Variants in AASDH observed in about 807,000 individuals in gnomAD.
AASDH encodes the protein aminoadipate-semialdehyde dehydrogenase.
Under a neutral mutation model 102.3 loss-of-function variants are expected in AASDH, and 81 were observed. The observed-to-expected ratio is 0.79, with a 90% CI of 0.66 to 0.95. The LOEUF is 0.95. AASDH is among the 40% of genes least tolerant of loss of function. AASDH has a pLI of 0.00. For missense variants in AASDH, 1,203 were observed against 1,266.2 expected (o/e 0.95, Z 0.76); for synonymous variants, 398 against 454.0 (o/e 0.88, Z 1.57).
intron 12 of AASDH, among the ~76,000 whole-genome samples, chr4:56,343,966 C>A (rs1748027879): frequency 6.6e-6 from 1 of 152,110 alleles, no homozygotes; most frequent in Non-Finnish European, 1.5e-5. Flanking sequence ...CACACACGAT[C>A]TAATATAGCT....
intron 5 of AASDH, among the ~76,000 whole-genome samples, chr4:56,357,961 A>G (rs921261022): frequency 1.3e-5 from 2 of 152,078 alleles, no homozygotes; most frequent in African/African-American, 4.8e-5. Flanking sequence ...CAACAATATT[A>G]AAACTTCTAA....
intron 4 of AASDH, among the ~76,000 whole-genome samples, chr4:56,374,367 CAGAAAAAAAAAAAAA>C (rs66473177): frequency 0.24 from 26,031 of 110,366 alleles, 2,854 homozygotes; most frequent in Admixed American, 0.4. Context: ...GACTCTGTCT[CAGAAAAAAAAAAAAA>C]AAAAAAAAGG....
In AASDH at chr4:56,371,640, T is replaced by C. The variant is rs150292078; in HGVS notation, c.672A>G (p.Val224=). 71 of 1,603,418 alleles carry C rather than the reference T, an allele frequency of 4.4e-5. No individual in the cohort carries two copies. Among genetic ancestry groups the C allele is most frequent in the Non-Finnish European group, 5.9e-5 (70 of 1,177,744 alleles). Residue 224 remains valine (V), a synonymous_variant, in exon 5 of 15, where the codon GTA becomes GTG. Coordinates refer to ENST00000205214, the MANE Select transcript of AASDH (RefSeq NM_181806.4). ...CATCTTCTTGTGTGATGTCAAAAAG[T>C]ACCCTAAGGCAAAACAGAATGCAGT... ...CIVPNIQHFR[V]LFDITQEDVL...
chr4:56,364,920 T>G (rs960820060), intron 5 of AASDH, among the ~76,000 whole-genome samples: 95 of 152,220 alleles, frequency 6.2e-4, no homozygotes, highest in African/African-American at 2.3e-3. Context: ...AGACACAGAC[T>G]GGCAAATTGG....
chr4:56,375,572 CT>C (rs1752241909), intron 4 of AASDH, among the ~76,000 whole-genome samples: 2 of 152,046 alleles, frequency 1.3e-5, no homozygotes, highest in Non-Finnish European at 1.5e-5. Context: ...TAAATCAACC[CT>C]TCACCCCTCA....
At chr4:56,352,880 T>C (rs1327303605) in intron 9 of AASDH, among the ~76,000 whole-genome samples, 1 of 152,210 alleles carries the variant, frequency 6.6e-6, no homozygotes, top group Admixed American at 6.6e-5. Context: ...CTTCCATAAT[T>C]GCATGGGCAA....
At chr4:56,356,164 G>C (rs946220906) in intron 5 of AASDH, 8 of 692,902 alleles carry the variant, frequency 1.2e-5, no homozygotes, top group Non-Finnish European at 1.6e-5. Context: ...AGGGAAAGAA[G>C]GTGGCTCTGG....
intron 4 of AASDH, among the ~76,000 whole-genome samples, chr4:56,376,672 T>C (rs1752370474): frequency 6.6e-6 from 1 of 152,360 alleles, no homozygotes; most frequent in African/African-American, 2.4e-5. Context: ...ATTTTGAAGA[T>C]GATTAGCATA....
At chr4:56,343,529 T>TA in intron 13 of AASDH, 33 bp downstream of exon 13, 1 of 1,516,584 alleles carries the variant, frequency 6.6e-7, no homozygotes, top group Non-Finnish European at 8.8e-7. Flanking sequence ...TAAAGAAAAG[T>TA]AATAAAATCA....
At chr4:56,354,535 A>G (rs574388837) in intron 7 of AASDH, among the ~76,000 whole-genome samples, 170 bp downstream of exon 7, 1 of 152,200 alleles carries the variant, frequency 6.6e-6, no homozygotes, top group Non-Finnish European at 1.5e-5. Flanking sequence ...AGACATTATT[A>G]TCTGAAATAA....
intron 14 of AASDH, among the ~76,000 whole-genome samples, chr4:56,339,588 T>G (rs946365610): frequency 2.0e-5 from 3 of 150,274 alleles, no homozygotes; most frequent in African/African-American, 7.3e-5. Flanking sequence ...CCATCTCTAT[T>G]AAAAATACAA....
intron 5 of AASDH, among the ~76,000 whole-genome samples, chr4:56,362,328 A>C (rs991803633): frequency 6.6e-6 from 1 of 152,038 alleles, no homozygotes; most frequent in Admixed American, 6.5e-5. Flanking sequence ...ACAGTGGTGT[A>C]ATCTTGGCTC....
At position 56,345,210 on chromosome 4, in the gene AASDH, T is replaced by C; in HGVS notation, c.2569A>G (p.Lys857Glu). 6.2e-7 allele frequency: 1 copy of C among 1,614,200 alleles called. No homozygotes were observed. The highest frequency in any genetic ancestry group is 8.5e-7 in the Non-Finnish European group (1 of 1,180,002). The change falls in exon 12 of 15, where the codon AAA becomes GAA. Residue 857 changes from lysine (K) to glutamate (E), a missense_variant. Coordinates refer to ENST00000205214, the MANE Select transcript of AASDH (RefSeq NM_181806.4). ...GTTGGATCCATGGTTGCCGAGCTTT[T>C]GACAGCATCTTCAGTAGTAAACATC... ...YWMFTTEDAV[K>E]SSATMDPTTG... is the part of the protein sequence containing the mutation.
intron 12 of AASDH, among the ~76,000 whole-genome samples, chr4:56,344,694 A>G (rs983494930): frequency 1.1e-4 from 16 of 152,196 alleles, no homozygotes; most frequent in African/African-American, 3.9e-4. Context: ...ATAATCCTAA[A>G]TTCTTTAATT....
intron 4 of AASDH, among the ~76,000 whole-genome samples, chr4:56,377,862 T>C (rs1578065429): frequency 6.6e-6 from 1 of 152,202 alleles, no homozygotes; most frequent in Non-Finnish European, 1.5e-5. Flanking sequence ...TGGAGTGCAG[T>C]GGCATAGTCT....
chr4:56,376,806 G>T (rs1162535529), intron 4 of AASDH, among the ~76,000 whole-genome samples: 2 of 152,066 alleles, frequency 1.3e-5, no homozygotes, highest in Non-Finnish European at 2.9e-5. Context: ...GGTGGCTCAC[G>T]CCTGTAATCC....
Position 56,345,223 on chromosome 4 carries a change from A to G in AASDH, c.2556T>C (p.Thr852=). ...TTGCCGAGCTTTTGACAGCATCTTC[A>G]GTAGTAAACATCCAGTATTTTTCTC... is the stretch of plus-strand genomic sequence containing the variant. The part of the protein sequence containing the change: ...NSGEKYWMFT[T]EDAVKSSATM... The change falls in exon 12 of 15, where the codon ACT becomes ACC. Residue 852 remains threonine (T), a synonymous_variant. Transcript: ENST00000205214. 8 of 1,613,978 alleles carry G rather than the reference A, an allele frequency of 5.0e-6. No homozygotes were observed. The highest frequency in any genetic ancestry group is 1.3e-5 in the African/African-American group (1 of 75,056).
At chr4:56,382,382 T>C (rs1202963033) in intron 3 of AASDH, 95 bp downstream of exon 3, 2 of 1,254,872 alleles carry the variant, frequency 1.6e-6, no homozygotes, top group Non-Finnish European at 2.2e-6. Context: ...TTGCCACATT[T>C]AGCAGACTTA....
chr4:56,347,951 T>C (rs1181521898), intron 11 of AASDH, among the ~76,000 whole-genome samples: 1 of 151,882 alleles, frequency 6.6e-6, no homozygotes. Context: ...AGGAGTTCAA[T>C]ACCAGCCTGA....
Sources: gnomAD v4.1 joint callset for allele counts (sites outside exome capture counted in the v4.1 genomes callset) on GRCh38, gnomAD v4.1.1 for gene constraint, MANE v1.5 for transcripts, NCBI Gene and HGNC (gene_info 2026-07-23, HGNC 2026-07-21) for gene names.